The following RARB variants were observed in gnomAD, a reference collection of about 807,000 sequenced individuals.
RARB encodes retinoic acid receptor beta.
In RARB, 17 loss-of-function variants were observed where a neutral mutation model predicts 51.9. That is an observed-to-expected ratio of 0.33 (90% CI 0.22 to 0.49). The LOEUF is 0.49. RARB is among the 20% of genes least tolerant of loss of function. The pLI is 0.99. For synonymous variants in RARB, 215 were observed against 195.4 expected, an observed-to-expected ratio of 1.10 and a Z score of -0.84; for missense variants, 369 against 550.8, an observed-to-expected ratio of 0.67 and a Z score of 3.30.
intron 2 of RARB, among the ~76,000 whole-genome samples, chr3:24,896,563 TAC>T (rs1221694098): frequency 6.6e-6 from 1 of 152,178 alleles, no homozygotes; most frequent in Non-Finnish European, 1.5e-5. Flanking sequence ...CTGGCCCTGG[TAC>T]AGAGTTTTAG....
At chr3:25,250,749 G>A (rs1702696675) in intron 5 of RARB, among the ~76,000 whole-genome samples, 1 of 152,124 alleles carries the variant, frequency 6.6e-6, no homozygotes. Flanking sequence ...TTAGGACTTG[G>A]CGGCTGTATG....
intron 5 of RARB, among the ~76,000 whole-genome samples, chr3:25,205,651 C>T (rs957854540): frequency 1.3e-5 from 2 of 151,982 alleles, no homozygotes; most frequent in African/African-American, 2.4e-5. Context: ...TTATTATGCA[C>T]TGTATGCCCA....
intron 2 of RARB, among the ~76,000 whole-genome samples, chr3:24,904,059 A>G (rs1694791037): frequency 6.6e-6 from 1 of 152,190 alleles, no homozygotes; most frequent in African/African-American, 2.4e-5. Flanking sequence ...GGAAATGATG[A>G]TTTTAGAAAC....
At chr3:25,141,850 C>T (rs1700112607) in intron 4 of RARB, among the ~76,000 whole-genome samples, 1 of 152,058 alleles carries the variant, frequency 6.6e-6, no homozygotes, top group African/African-American at 2.4e-5. Flanking sequence ...CTTCTACAGG[C>T]AGCATAACGG....
intron 5 of RARB, among the ~76,000 whole-genome samples, chr3:25,183,587 C>G (rs1700911484): frequency 6.6e-6 from 1 of 152,142 alleles, no homozygotes; most frequent in South Asian, 2.1e-4. Context: ...GTTTCAGTCA[C>G]CGAGGGATTA....
At chr3:24,965,726 TAATC>T (rs1696239829) in intron 2 of RARB, among the ~76,000 whole-genome samples, 2 of 152,180 alleles carry the variant, frequency 1.3e-5, no homozygotes, top group Non-Finnish European at 2.9e-5. Flanking sequence ...GCCTGCTACA[TAATC>T]AAACCTCAAA....
chr3:25,038,551 G>A (rs1204913956), intron 2 of RARB, among the ~76,000 whole-genome samples: 1 of 152,098 alleles, frequency 6.6e-6, no homozygotes, highest in African/African-American at 2.4e-5. Flanking sequence ...CTGAAGGAAG[G>A]TGATGAAGTG....
At chr3:25,464,979 A>G (rs1695358296) in intron 2 of RARB, among the ~76,000 whole-genome samples, 1 of 152,122 alleles carries the variant, frequency 6.6e-6, no homozygotes, top group African/African-American at 2.4e-5. Context: ...AGGTGCTTAC[A>G]GTTTTTTTCG....
chr3:25,465,708 C>G (rs1695396991), intron 2 of RARB, among the ~76,000 whole-genome samples: 1 of 151,994 alleles, frequency 6.6e-6, no homozygotes, highest in African/African-American at 2.4e-5. Context: ...TAGGGATGCC[C>G]TGTTTAGGGG....
intron 2 of RARB, among the ~76,000 whole-genome samples, chr3:25,019,739 A>T (rs1335552008): frequency 1.3e-5 from 2 of 152,118 alleles, no homozygotes; most frequent in Non-Finnish European, 2.9e-5. Context: ...CTTGGTTATT[A>T]CTTTGCTACT....
At chr3:24,893,784 C>A (rs890351047) in intron 2 of RARB, among the ~76,000 whole-genome samples, 1 of 151,974 alleles carries the variant, frequency 6.6e-6, no homozygotes. Context: ...CTTAGTCTCC[C>A]AAAGTACTGG....
At chr3:25,443,072 C>T (rs1197657480) in intron 1 of RARB, among the ~76,000 whole-genome samples, 2 of 152,128 alleles carry the variant, frequency 1.3e-5, no homozygotes, top group Non-Finnish European at 1.5e-5. Context: ...GTGTCCTCTG[C>T]TCATAACCCA....
intron 1 of RARB, among the ~76,000 whole-genome samples, chr3:24,839,901 A>G (rs983940679): frequency 4.6e-5 from 7 of 152,176 alleles, no homozygotes; most frequent in Non-Finnish European, 7.4e-5. Context: ...GTATCCTACA[A>G]ATCGAGTTTA....
At chr3:25,001,154 A>G (rs1379782961) in intron 2 of RARB, among the ~76,000 whole-genome samples, 2 of 152,126 alleles carry the variant, frequency 1.3e-5, no homozygotes, top group Non-Finnish European at 2.9e-5. Context: ...GGACAAATTA[A>G]TCATCTTAAG....
chr3:25,050,992 A>T (rs1698321893), intron 2 of RARB, among the ~76,000 whole-genome samples: 1 of 152,124 alleles, frequency 6.6e-6, no homozygotes, highest in Non-Finnish European at 1.5e-5. Context: ...GACATCATTC[A>T]TTTACTGTTG....
At chr3:25,365,735 C>G (rs1017498892) in intron 5 of RARB, among the ~76,000 whole-genome samples, 1 of 152,202 alleles carries the variant, frequency 6.6e-6, no homozygotes, top group Non-Finnish European at 1.5e-5. Context: ...GGACTAAAAG[C>G]CTTACTCTCA....
chr3:25,091,207 A>G (rs1699192889), intron 3 of RARB, among the ~76,000 whole-genome samples: 1 of 152,126 alleles, frequency 6.6e-6, no homozygotes, highest in South Asian at 2.1e-4. Flanking sequence ...AGTGAGTGAG[A>G]GGTATTTTTT....
intron 1 of RARB, among the ~76,000 whole-genome samples, chr3:24,841,470 G>C (rs933763550): frequency 6.6e-6 from 1 of 152,150 alleles, no homozygotes; most frequent in Non-Finnish European, 1.5e-5. Flanking sequence ...ACAGTGTGTT[G>C]CAGTTTTGAA....
intron 5 of RARB, among the ~76,000 whole-genome samples, chr3:25,590,403 A>G (rs1701570564): frequency 6.6e-6 from 1 of 152,204 alleles, no homozygotes; most frequent in Non-Finnish European, 1.5e-5. Flanking sequence ...GATCTCATGC[A>G]TTCATTTCTT....
Sources: allele counts gnomAD v4.1 joint callset (sites outside exome capture counted in the v4.1 genomes callset), GRCh38; gene constraint gnomAD v4.1.1; transcripts MANE v1.5; gene names NCBI Gene and HGNC (gene_info 2026-07-23, HGNC 2026-07-21).